Variants in TOM1L2 observed in about 807,000 individuals in gnomAD.
TOM1L2 encodes target of myb1 like 2 membrane trafficking protein.
Under a neutral mutation model 67.9 loss-of-function variants are expected in TOM1L2, and 31 were observed. That is an observed-to-expected ratio of 0.46 (90% CI 0.34 to 0.62). The LOEUF (loss-of-function observed/expected upper bound fraction) is 0.62. TOM1L2 is among the 20% of genes least tolerant of loss of function. The probability of loss-of-function intolerance (pLI) is 0.01; values close to 1 mark genes in which losing one functional copy is unlikely to be tolerated. For synonymous variants in TOM1L2, 256 were observed against 254.0 expected, an observed-to-expected ratio of 1.01 and a Z score of -0.07; for missense variants, 606 against 663.5, an observed-to-expected ratio of 0.91 and a Z score of 0.95.
At chr17:17,958,937 T>C (rs1385566834) in intron 1 of TOM1L2, among the ~76,000 whole-genome samples, 1 of 152,156 alleles carries the variant, frequency 6.6e-6, no homozygotes, top group African/African-American at 2.4e-5. Context: ...TAATGAAACC[T>C]CCATTAATAC....
At chr17:17,891,085 T>A (rs2038247680) in intron 4 of TOM1L2, among the ~76,000 whole-genome samples, 1 of 152,244 alleles carries the variant, frequency 6.6e-6, no homozygotes, top group Admixed American at 6.5e-5. Context: ...AAGCCCATGC[T>A]TTTCACAGCT....
At chr17:17,942,849 G>A (rs1439787474) in intron 1 of TOM1L2, among the ~76,000 whole-genome samples, 1 of 152,170 alleles carries the variant, frequency 6.6e-6, no homozygotes, top group Non-Finnish European at 1.5e-5. Context: ...CCTGGGATGG[G>A]CCATCACCAT....
chr17:17,941,770 T>G (rs771449834), intron 1 of TOM1L2, among the ~76,000 whole-genome samples: 4 of 152,218 alleles, frequency 2.6e-5, no homozygotes, highest in Non-Finnish European at 5.9e-5. Context: ...CCTCACTAAC[T>G]CGGCTGACTG....
chr17:17,875,223 T>A (rs1235989321), intron 7 of TOM1L2, among the ~76,000 whole-genome samples: 1 of 145,312 alleles, frequency 6.9e-6, no homozygotes, highest in African/African-American at 2.6e-5. Flanking sequence ...GGCATTGCAC[T>A]CCAGCCTGGG....
intron 4 of TOM1L2, among the ~76,000 whole-genome samples, chr17:17,890,835 G>GTA (rs1045456407): frequency 6.6e-6 from 1 of 152,072 alleles, no homozygotes; most frequent in Non-Finnish European, 1.5e-5. Flanking sequence ...GTGATTTCCT[G>GTA]TATATATATT....
intron 1 of TOM1L2, among the ~76,000 whole-genome samples, chr17:17,921,477 G>A (rs1294302494): frequency 1.3e-5 from 2 of 152,164 alleles, no homozygotes; most frequent in Admixed American, 6.5e-5. Context: ...TTACGTGTGA[G>A]TCAGTGTGTG....
intron 1 of TOM1L2, among the ~76,000 whole-genome samples, chr17:17,951,934 C>A (rs553956221): frequency 1.3e-5 from 2 of 152,276 alleles, no homozygotes; most frequent in East Asian, 3.9e-4. Flanking sequence ...TGGTGAGGGG[C>A]TCATTTAGAG....
chr17:17,905,569 T>C (rs1598306043), intron 2 of TOM1L2, among the ~76,000 whole-genome samples: 1 of 152,172 alleles, frequency 6.6e-6, no homozygotes, highest in East Asian at 1.9e-4. Flanking sequence ...GACAGGGTCT[T>C]ACTCTGTCGC....
intron 1 of TOM1L2, among the ~76,000 whole-genome samples, chr17:17,929,659 G>T (rs2040245443): frequency 6.6e-6 from 1 of 152,120 alleles, no homozygotes; most frequent in Non-Finnish European, 1.5e-5. Context: ...ATGTCAGGAA[G>T]AAATCCATAG....
chr17:17,912,391 G>A (rs1167617169), intron 1 of TOM1L2, among the ~76,000 whole-genome samples: 6 of 151,756 alleles, frequency 4.0e-5, no homozygotes, highest in Non-Finnish European at 7.4e-5. Context: ...TTCTCAGACG[G>A]GGCGGCTGCT....
At chr17:17,889,979 T>G (rs1363725009) in intron 4 of TOM1L2, among the ~76,000 whole-genome samples, 1 of 152,136 alleles carries the variant, frequency 6.6e-6, no homozygotes, top group Non-Finnish European at 1.5e-5. Context: ...ATATGAGAGC[T>G]GCTACCAACT....
chr17:17,850,562 G>A (rs140346442), intron 13 of TOM1L2, among the ~76,000 whole-genome samples: 2 of 151,968 alleles, frequency 1.3e-5, no homozygotes, highest in African/African-American at 2.4e-5. Context: ...ACCAAAGCAC[G>A]GCACATACAT....
At chr17:17,958,208 C>T (rs955473062) in intron 1 of TOM1L2, among the ~76,000 whole-genome samples, 22 of 152,172 alleles carry the variant, frequency 1.4e-4, no homozygotes, top group African/African-American at 4.8e-4. Context: ...AACGAACGAA[C>T]AAACCATGCT....
chr17:17,960,364 G>A (rs2041633053), intron 1 of TOM1L2, among the ~76,000 whole-genome samples: 1 of 152,002 alleles, frequency 6.6e-6, no homozygotes, highest in African/African-American at 2.4e-5. Flanking sequence ...CAGGGTCTCT[G>A]GCTCTGTCAA....
chr17:17,932,465 C>T (rs183141836), intron 1 of TOM1L2, among the ~76,000 whole-genome samples: 11 of 152,132 alleles, frequency 7.2e-5, no homozygotes, highest in Admixed American at 6.5e-4. Context: ...AACATACGTC[C>T]CTTTGTTTCC....
At chr17:17,909,325 A>G (rs898675983) in intron 1 of TOM1L2, among the ~76,000 whole-genome samples, 9 of 152,216 alleles carry the variant, frequency 5.9e-5, no homozygotes, top group African/African-American at 2.2e-4. Flanking sequence ...CAATAGTCAC[A>G]AGAGCCAAAA....
intron 10 of TOM1L2, among the ~76,000 whole-genome samples, chr17:17,864,895 C>A (rs184916121): frequency 6.6e-5 from 10 of 151,998 alleles, no homozygotes; most frequent in African/African-American, 2.4e-4. Flanking sequence ...TACAAATATA[C>A]GAAATATTGA....
intron 1 of TOM1L2, among the ~76,000 whole-genome samples, chr17:17,934,616 C>T (rs2040450423): frequency 6.6e-6 from 1 of 152,054 alleles, no homozygotes; most frequent in African/African-American, 2.4e-5. Context: ...AAATTTTTCT[C>T]CTAAAAATAC....
intron 7 of TOM1L2, among the ~76,000 whole-genome samples, chr17:17,873,994 C>T (rs905987622): frequency 4.0e-5 from 6 of 151,458 alleles, no homozygotes; most frequent in South Asian, 2.1e-4. Context: ...CTCGCTCTGT[C>T]GCCCAGCCTG....
Sources: gnomAD v4.1 joint callset for allele counts (sites outside exome capture counted in the v4.1 genomes callset) on GRCh38, gnomAD v4.1.1 for gene constraint, MANE v1.5 for transcripts, NCBI Gene and HGNC (gene_info 2026-07-23, HGNC 2026-07-21) for gene names.